The following HS3ST4 variants were observed in gnomAD, a reference collection of about 807,000 sequenced individuals.
HS3ST4 encodes the protein heparan sulfate glucosamine 3-O-sulfotransferase 4.
A neutral mutation model predicts 29.2 loss-of-function variants in HS3ST4; 17 were observed. The ratio of observed to expected loss-of-function variants is 0.58; its 90% confidence interval spans 0.40 to 0.87. HS3ST4 has a LOEUF of 0.87. HS3ST4 is among the 40% of genes least tolerant of loss of function. The probability of loss-of-function intolerance (pLI) is 0.00; values close to 1 mark genes in which losing one functional copy is unlikely to be tolerated. For missense variants in HS3ST4, 627 were observed against 634.5 expected, an observed-to-expected ratio of 0.99 and a Z score of 0.13; for synonymous variants, 314 against 285.7, an observed-to-expected ratio of 1.10 and a Z score of -1.00.
intron 1 of HS3ST4, among the ~76,000 whole-genome samples, chr16:26,129,929 C>G (rs190154276): frequency 1.3e-4 from 20 of 152,246 alleles, no homozygotes; most frequent in African/African-American, 4.3e-4. Flanking sequence ...ACCCCAGAGG[C>G]TGACCTGCAT....
chr16:25,870,953 C>T (rs1357467932), intron 1 of HS3ST4, among the ~76,000 whole-genome samples: 4 of 152,148 alleles, frequency 2.6e-5, no homozygotes, highest in Admixed American at 6.5e-5. Flanking sequence ...GAGACAAATG[C>T]TCTAGATCTT....
intron 1 of HS3ST4, among the ~76,000 whole-genome samples, chr16:25,755,327 G>A (rs1966750394): frequency 1.3e-5 from 2 of 152,232 alleles, no homozygotes; most frequent in Middle Eastern, 3.2e-3. Flanking sequence ...GACTAAAGGA[G>A]CCTGAGAGAG....
intron 1 of HS3ST4, among the ~76,000 whole-genome samples, chr16:25,761,399 T>C (rs1966787888): frequency 6.6e-6 from 1 of 152,194 alleles, no homozygotes; most frequent in African/African-American, 2.4e-5. Flanking sequence ...TTACTTTTAC[T>C]GAAGAGTTAA....
intron 1 of HS3ST4, among the ~76,000 whole-genome samples, chr16:25,696,240 T>A (rs1966295563): frequency 6.6e-6 from 1 of 151,970 alleles, no homozygotes; most frequent in Admixed American, 6.6e-5. Flanking sequence ...CCTCTCCCTT[T>A]CCAAAAAAAG....
At chr16:25,836,600 G>A (rs1045565257) in intron 1 of HS3ST4, among the ~76,000 whole-genome samples, 3 of 152,138 alleles carry the variant, frequency 2.0e-5, no homozygotes, top group African/African-American at 4.8e-5. Context: ...AAATCCACCC[G>A]TTTGACAATA....
intron 1 of HS3ST4, among the ~76,000 whole-genome samples, chr16:26,092,842 A>G (rs1203426354): frequency 2.0e-5 from 3 of 152,098 alleles, no homozygotes; most frequent in African/African-American, 7.2e-5. Context: ...CTAGCCAGGG[A>G]AGCCATGACA....
At chr16:25,871,231 G>A (rs4787336) in intron 1 of HS3ST4, among the ~76,000 whole-genome samples, 91,611 of 151,958 alleles carry the variant, frequency 0.6, 28,354 homozygotes, top group Non-Finnish European at 0.67. Flanking sequence ...AAGAGAGAGG[G>A]CAAAGGAAGG....
At chr16:25,869,642 A>C (rs1360750124) in intron 1 of HS3ST4, among the ~76,000 whole-genome samples, 4 of 152,178 alleles carry the variant, frequency 2.6e-5, no homozygotes, top group Non-Finnish European at 5.9e-5. Context: ...GAGAGGCAGC[A>C]CTGCTGACAT....
At chr16:25,957,996 G>C (rs9929839) in intron 1 of HS3ST4, among the ~76,000 whole-genome samples, 37,406 of 152,006 alleles carry the variant, frequency 0.25, 5,013 homozygotes, top group East Asian at 0.43. Context: ...TGTTTCAGGT[G>C]TGTGTGCTAC....
At chr16:25,990,878 A>T (rs1038513343) in intron 1 of HS3ST4, among the ~76,000 whole-genome samples, 4 of 152,222 alleles carry the variant, frequency 2.6e-5, no homozygotes, top group African/African-American at 7.2e-5. Context: ...ATTCATTGTG[A>T]TGACAGCGTC....
chr16:26,079,270 T>C (rs1449500465), intron 1 of HS3ST4, among the ~76,000 whole-genome samples: 2 of 152,226 alleles, frequency 1.3e-5, no homozygotes, highest in Non-Finnish European at 2.9e-5. Context: ...TCTGGACTTA[T>C]AGAAGCCACA....
intron 1 of HS3ST4, among the ~76,000 whole-genome samples, chr16:25,985,314 C>T (rs1969050400): frequency 6.6e-6 from 1 of 152,094 alleles, no homozygotes; most frequent in African/African-American, 2.4e-5. Context: ...AGGAGATGGT[C>T]AGTAGTTGTG....
intron 1 of HS3ST4, among the ~76,000 whole-genome samples, chr16:25,976,650 C>G (rs1248203207): frequency 6.6e-6 from 1 of 152,230 alleles, no homozygotes; most frequent in Non-Finnish European, 1.5e-5. Context: ...GCTGGGTAAA[C>G]TAGGCCACAG....
intron 1 of HS3ST4, among the ~76,000 whole-genome samples, chr16:25,859,117 A>G (rs1967612281): frequency 1.3e-5 from 2 of 152,136 alleles, no homozygotes; most frequent in African/African-American, 4.8e-5. Context: ...TGGAGGGAGA[A>G]AGCAGACACT....
chr16:26,098,803 A>AG (rs1443193901), intron 1 of HS3ST4, among the ~76,000 whole-genome samples: 2 of 152,044 alleles, frequency 1.3e-5, no homozygotes, highest in Non-Finnish European at 2.9e-5. Context: ...TATGCTGTGC[A>AG]GGGGGGTAGA....
intron 1 of HS3ST4, among the ~76,000 whole-genome samples, chr16:25,845,886 C>CG (rs1467145436): frequency 2.0e-5 from 3 of 152,010 alleles, no homozygotes; most frequent in Non-Finnish European, 4.4e-5. Flanking sequence ...ATTATCTATT[C>CG]GGACCTTTAC....
intron 1 of HS3ST4, among the ~76,000 whole-genome samples, chr16:25,970,067 C>T (rs1455009844): frequency 6.6e-6 from 1 of 152,214 alleles, no homozygotes; most frequent in Non-Finnish European, 1.5e-5. Context: ...TTAGTGTCAG[C>T]AGTAGACAGG....
At chr16:26,076,194 C>T (rs565947037) in intron 1 of HS3ST4, among the ~76,000 whole-genome samples, 76 of 152,204 alleles carry the variant, frequency 5.0e-4, no homozygotes, top group Non-Finnish European at 1.0e-3. Flanking sequence ...GCAGGAATAA[C>T]GTGAGAGAGA....
At chr16:25,725,839 C>G (rs1966531499) in intron 1 of HS3ST4, among the ~76,000 whole-genome samples, 2 of 151,750 alleles carry the variant, frequency 1.3e-5, no homozygotes, top group African/African-American at 4.8e-5. Context: ...TGGGATTATA[C>G]AATAGTTTTT....
Sources: gnomAD v4.1 joint callset for allele counts (sites outside exome capture counted in the v4.1 genomes callset) on GRCh38, gnomAD v4.1.1 for gene constraint, MANE v1.5 for transcripts, NCBI Gene and HGNC (gene_info 2026-07-23, HGNC 2026-07-21) for gene names.